SNRPN: variants seen among roughly 807,000 people sequenced by gnomAD.
SNRPN encodes the protein small nuclear ribonucleoprotein-associated protein N.
A neutral mutation model predicts 25.2 loss-of-function variants in SNRPN; 7 were observed. The observed-to-expected ratio is 0.28, with a 90% CI of 0.16 to 0.52. The LOEUF is 0.52. Ranked by LOEUF, SNRPN falls within the 20% of genes least tolerant of loss-of-function variation. The pLI is 0.96. For synonymous variants in SNRPN, 124 were observed against 110.6 expected, an observed-to-expected ratio of 1.12 and a Z score of -0.76; for missense variants, 196 against 322.5, an observed-to-expected ratio of 0.61 and a Z score of 3.00.
chr15:24,824,784 T>G (rs1232481635), intron 1 of SNRPN, among the ~76,000 whole-genome samples: 1 of 136,726 alleles, frequency 7.3e-6, no homozygotes, highest in Admixed American at 7.7e-5. Flanking sequence ...AGATGGCAAG[T>G]AAAGATAGGA....
rs1462092846 is a variant in SNRPN, at chr15:24,937,226, C to T, written c.-391+17102C>T. Among the ~76,000 whole-genome samples the T allele has an allele frequency of 5.3e-5, 8 of 152,034 alleles. No individual in the cohort carries two copies. The East Asian group carries it at 7.7e-4, about 15-fold the overall frequency. The stretch of plus-strand genomic sequence containing the variant: ...ACACCACTCCAGCCTGGCGACAGAG[C>T]GAGACTCCGTCTAAAACAAACAAAC... On this transcript the variant is annotated intron_variant, in intron 3 of 11. Transcript: ENST00000400097.
intron 2 of SNRPN, among the ~76,000 whole-genome samples, chr15:24,903,414 G>A (rs2058593283): frequency 6.6e-6 from 1 of 152,098 alleles, no homozygotes; most frequent in Admixed American, 6.6e-5. Context: ...AGAGGGTTTG[G>A]CAGAGAAAAA....
At chr15:24,887,105 C>A (rs1055107758) in intron 2 of SNRPN, among the ~76,000 whole-genome samples, 1 of 151,410 alleles carries the variant, frequency 6.6e-6, no homozygotes, top group African/African-American at 2.4e-5. Context: ...TATCATCTTC[C>A]GGTCCTATAG....
At chr15:24,918,624 G>GCA (rs57419963) in intron 2 of SNRPN, among the ~76,000 whole-genome samples, 1,638 of 61,276 alleles carry the variant, frequency 0.027, 93 homozygotes, top group African/African-American at 0.044. Context: ...ATATATGTGT[G>GCA]TATATATAAC....
intron 3 of SNRPN, among the ~76,000 whole-genome samples, chr15:24,924,020 G>A (rs747662050): frequency 1.4e-5 from 2 of 144,900 alleles, no homozygotes; most frequent in African/African-American, 5.1e-5. Flanking sequence ...TGAGGTTTCA[G>A]CATGTAGCTC....
At chr15:24,838,719 A>G (rs898874734) in intron 2 of SNRPN, among the ~76,000 whole-genome samples, 4 of 152,106 alleles carry the variant, frequency 2.6e-5, no homozygotes, top group Non-Finnish European at 4.4e-5. Context: ...CATCCAGTCC[A>G]GCAAGGGAGG....
intron 1 of SNRPN, among the ~76,000 whole-genome samples, chr15:24,876,840 T>C (rs1027306303): frequency 2.6e-5 from 4 of 152,116 alleles, no homozygotes; most frequent in Admixed American, 6.5e-5. Flanking sequence ...TGGGAATGTA[T>C]AGAATGCAAA....
chr15:24,909,105 A>G, intron 2 of SNRPN: 1 of 1,366,292 alleles, frequency 7.3e-7, no homozygotes, highest in Non-Finnish European at 1.0e-6. Context: ...GCTTCCTTAT[A>G]CATTTCCTCC....
chr15:24,860,030 C>T lies in SNRPN; in HGVS notation c.-579+3314C>T, dbSNP rs2053853527. On this transcript the variant is annotated intron_variant, in intron 1 of 11. Coordinates refer to the SNRPN transcript ENST00000400097. ...AGTCTCCTGATGTGACTTAAAATGC[C>T]TTAACCATCTGGGAATGCAGCCCAG... Among the ~76,000 whole-genome samples the T allele has an allele frequency of 2.0e-5, 3 of 152,104 alleles. No homozygotes were observed. In the South Asian group the frequency reaches 6.2e-4, roughly 32 times the overall value.
Position 24,925,380 on chromosome 15 carries a change from T to C in SNRPN, c.-391+5256T>C, listed in dbSNP as rs531657725. 5.9e-5 allele frequency among the ~76,000 whole-genome samples: 9 copies of C among 151,976 alleles called. No individual in the cohort carries two copies. The South Asian group carries it at 1.7e-3, about 28-fold the overall frequency. The stretch of plus-strand genomic sequence containing the variant: ...TGTACAGCACTTTGGGAGGCTGAGA[T>C]GGGAAGATCGCTCAAGGCCAGGAGT... On this transcript the variant is annotated intron_variant, in intron 3 of 11. Coordinates refer to the SNRPN transcript ENST00000400097.
chr15:24,962,048 T>C, intron 1 of SNRPN, 66 bp from the exon 2 acceptor site: 3 of 1,301,206 alleles, frequency 2.3e-6, no homozygotes, highest in Non-Finnish European at 3.4e-6. Flanking sequence ...AAATATAACC[T>C]TGACAAATAG....
rs144286094 is a variant in SNRPN at position 24,927,854 on chromosome 15, C to T, written c.-391+7730C>T. Among the ~76,000 whole-genome samples, 86 of 152,196 alleles carry T rather than the reference C, an allele frequency of 5.7e-4. 1 individual carries two copies. Among genetic ancestry groups the T allele is most frequent in the Middle Eastern group, 6.8e-3 (2 of 294 alleles). Reference sequence around the variant, plus strand: ...TGAAGCATGCATGCTAGGTATGTTACGGAATGTCCTCAGCTTGAGTCCATC... The same window carrying T: ...TGAAGCATGCATGCTAGGTATGTTATGGAATGTCCTCAGCTTGAGTCCATC... On this transcript the variant is annotated intron_variant, in intron 3 of 11. Coordinates refer to the SNRPN transcript ENST00000400097.
At position 24,962,112 on chromosome 15, in the gene SNRPN, A is replaced by G. The variant is rs1355967824; in HGVS notation, c.-390-2A>G. Reference sequence around the variant, plus strand: ...AACAAATGCCTCTCTTTTCTGTTTCAGGGATCGCTTACACCTGAGACGAAC... The same window carrying G: ...AACAAATGCCTCTCTTTTCTGTTTCGGGGATCGCTTACACCTGAGACGAAC... On this transcript the variant is annotated splice_acceptor_variant, in intron 1 of 9. Coordinates refer to ENST00000390687, the MANE Select transcript of SNRPN (RefSeq NM_003097.6). LOFTEE classifies it low-confidence loss of function (5UTR_SPLICE). 1 of 1,613,722 alleles carries G rather than the reference A, an allele frequency of 6.2e-7. No homozygotes were observed. The highest frequency in any genetic ancestry group is 1.3e-5 in the African/African-American group (1 of 74,914).
chr15:24,870,838 C>A (rs1367344343), intron 1 of SNRPN, among the ~76,000 whole-genome samples: 1 of 148,354 alleles, frequency 6.7e-6, no homozygotes, highest in East Asian at 2.0e-4. Context: ...TCTATGGGAT[C>A]CCTCAACCTA....
upstream of SNRPN, among the ~76,000 whole-genome samples, chr15:24,853,289 CA>C (rs1305606971): frequency 2.0e-5 from 3 of 152,178 alleles, no homozygotes; most frequent in African/African-American, 7.2e-5. Context: ...TCCAGGATGA[CA>C]CATCATATTT....
At chr15:24,939,593 T>C (rs1566934173) in intron 3 of SNRPN, among the ~76,000 whole-genome samples, 1 of 151,268 alleles carries the variant, frequency 6.6e-6, no homozygotes, top group Non-Finnish European at 1.5e-5. Context: ...CCACCATGCC[T>C]GGTCAATTTT....
intron 2 of SNRPN, among the ~76,000 whole-genome samples, chr15:24,834,728 C>CCTCTCTCTCTCTCT (rs372713413): frequency 0.042 from 1,804 of 42,548 alleles, 87 homozygotes; most frequent in Middle Eastern, 0.1. Flanking sequence ...TCTCTCTCTC[C>CCTCTCTCTCTCTCT]CTCTCTCTCT....
intron 1 of SNRPN, among the ~76,000 whole-genome samples, chr15:24,868,449 G>T (rs1294180160): frequency 2.6e-5 from 4 of 152,312 alleles, no homozygotes; most frequent in Middle Eastern, 3.4e-3. Context: ...TTGCTAGCAA[G>T]ACAGAAGTAA....
intron 1 of SNRPN, among the ~76,000 whole-genome samples, chr15:24,827,506 ACT>A (rs1171667147): frequency 5.5e-5 from 6 of 109,088 alleles, no homozygotes; most frequent in Non-Finnish European, 9.0e-5. Context: ...AAAGAGCGAG[ACT>A]CTGTCTCAAA....
Sources: allele counts gnomAD v4.1 joint callset (sites outside exome capture counted in the v4.1 genomes callset), GRCh38; gene constraint gnomAD v4.1.1; transcripts MANE v1.5; gene names NCBI Gene and HGNC (gene_info 2026-07-23, HGNC 2026-07-21).